The following MYO5B variants were observed in gnomAD, a reference collection of about 807,000 sequenced individuals.
MYO5B encodes unconventional myosin-Vb.
Under a neutral mutation model 229.3 loss-of-function variants are expected in MYO5B, and 143 were observed. The observed-to-expected ratio is 0.62, with a 90% CI of 0.54 to 0.72. The LOEUF (loss-of-function observed/expected upper bound fraction) is 0.72. MYO5B is among the 30% of genes least tolerant of loss of function. MYO5B has a pLI of 0.00. For synonymous variants in MYO5B, 918 were observed against 885.2 expected, an observed-to-expected ratio of 1.04 and a Z score of -0.66; for missense variants, 2,321 against 2,331.0, an observed-to-expected ratio of 1.00 and a Z score of 0.09.
intron 2 of MYO5B, among the ~76,000 whole-genome samples, chr18:50,047,856 A>G (rs1466110720): frequency 6.8e-6 from 1 of 148,148 alleles, no homozygotes; most frequent in Non-Finnish European, 1.5e-5. Context: ...ACCAAACACC[A>G]CATGTTCTCA....
At chr18:49,947,672 G>T (rs999122768) in intron 14 of MYO5B, among the ~76,000 whole-genome samples, 3 of 152,212 alleles carry the variant, frequency 2.0e-5, no homozygotes, top group Middle Eastern at 6.8e-3. Context: ...AGCCACCCGG[G>T]CATTTCTCAC....
chr18:49,860,411 A>G (rs1332375015), intron 29 of MYO5B, among the ~76,000 whole-genome samples: 6 of 152,064 alleles, frequency 3.9e-5, no homozygotes, highest in Non-Finnish European at 5.9e-5. Flanking sequence ...TCATTTTCCT[A>G]TATATAAAAT....
intron 1 of MYO5B, 138 bp from the exon 2 acceptor site, chr18:50,055,516 G>A (rs1377005192): frequency 1.4e-6 from 1 of 709,204 alleles, no homozygotes; most frequent in Non-Finnish European, 2.5e-6. Flanking sequence ...CTCATTTCAG[G>A]ACACAACGTG....
Position 49,902,720 on chromosome 18 carries a change from C to A in MYO5B, c.2685G>T (p.Arg895=). The A allele has an allele frequency of 6.2e-7, 1 of 1,610,994 alleles. No homozygotes were observed. Among genetic ancestry groups the A allele is most frequent in the Non-Finnish European group, 8.5e-7 (1 of 1,180,020 alleles). The change falls in exon 21 of 40, where the codon CGG becomes CGT. Residue 895 remains arginine (R), a synonymous_variant. Transcript: ENST00000285039. ...DAAIVIQCAF[R]MLKARRELKA... ...TCAGCTCCCGCCTGGCCTTGAGCAT[C>A]CGGAAGGCACACTGGATGACAATGG... is the stretch of plus-strand genomic sequence containing the variant.
chr18:49,888,269 C>T (rs551755580), intron 22 of MYO5B, among the ~76,000 whole-genome samples: 40 of 152,318 alleles, frequency 2.6e-4, no homozygotes, highest in African/African-American at 8.9e-4. Flanking sequence ...ACCCTCCTCT[C>T]ACCTTCAATT....
At chr18:50,177,190 C>T (rs987913810) in intron 1 of MYO5B, among the ~76,000 whole-genome samples, 1 of 151,772 alleles carries the variant, frequency 6.6e-6, no homozygotes, top group African/African-American at 2.4e-5. Context: ...GAATTTTATC[C>T]AAAAATAAGC....
At chr18:50,134,604 T>C (rs557347023) in intron 1 of MYO5B, among the ~76,000 whole-genome samples, 1 of 145,864 alleles carries the variant, frequency 6.9e-6, no homozygotes, top group African/African-American at 2.6e-5. Context: ...AAATAAATAA[T>C]AGCAGCCTCA....
chr18:49,875,495 C>CCTG lies in MYO5B; in HGVS notation c.3537+189_3537+191dup, dbSNP rs1371076154. On this transcript the variant is annotated intron_variant, in intron 26 of 39. Coordinates refer to ENST00000285039, the MANE Select transcript of MYO5B (RefSeq NM_001080467.3). ...AACCCGGGGCATGAGGGAGCTTACT[C>CCTG]CTGTTCAGCTGGGCGGTGTAGGGGC... 9.2e-5 allele frequency among the ~76,000 whole-genome samples: 14 copies of CCTG among 152,298 alleles called. No homozygotes were observed. In the East Asian group the frequency reaches 2.7e-3, roughly 29 times the overall value.
intron 22 of MYO5B, among the ~76,000 whole-genome samples, chr18:49,881,193 T>G: frequency 6.6e-6 from 1 of 152,222 alleles, no homozygotes; most frequent in East Asian, 1.9e-4. Flanking sequence ...TCAGCTTTCA[T>G]GTTTTTGTAT....
At chr18:50,085,002 G>C (rs1419251723) in intron 1 of MYO5B, among the ~76,000 whole-genome samples, 1 of 152,080 alleles carries the variant, frequency 6.6e-6, no homozygotes, top group Non-Finnish European at 1.5e-5. Context: ...ACATAGGCAC[G>C]GGCAAGGACT....
At chr18:50,090,137 C>G (rs2031416827) in intron 1 of MYO5B, among the ~76,000 whole-genome samples, 1 of 152,110 alleles carries the variant, frequency 6.6e-6, no homozygotes, top group Non-Finnish European at 1.5e-5. Context: ...CTCCTTAAAA[C>G]TACTCCACAT....
intron 1 of MYO5B, among the ~76,000 whole-genome samples, chr18:50,125,203 C>A (rs529511225): frequency 6.6e-6 from 1 of 152,098 alleles, no homozygotes; most frequent in Non-Finnish European, 1.5e-5. Flanking sequence ...TCAAACTGAA[C>A]AATGAATGTT....
At chr18:50,142,160 A>G (rs1181931827) in intron 1 of MYO5B, among the ~76,000 whole-genome samples, 1 of 152,186 alleles carries the variant, frequency 6.6e-6, no homozygotes. Context: ...TCACTGGCAC[A>G]CACAAGGTGT....
At position 50,155,207 on chromosome 18, in the gene MYO5B, G is replaced by A. The variant is rs189369911; in HGVS notation, c.27+39560C>T. On this transcript the variant is annotated intron_variant, in intron 1 of 39. Transcript: ENST00000285039. ...GGCAGCTACGTGGCACAAACAACCA[G>A]GCCTCACTTCACACAGTTATAGTGA... Among the ~76,000 whole-genome samples the A allele has an allele frequency of 1.3e-3, 195 of 152,274 alleles. 1 individual carries two copies. The highest frequency in any genetic ancestry group is 6.8e-3 in the South Asian group (33 of 4,822).
Position 50,086,015 on chromosome 18 carries a change from T to A in MYO5B, c.28-30637A>T, listed in dbSNP as rs1417867742. On this transcript the variant is annotated intron_variant, in intron 1 of 39. Coordinates refer to ENST00000285039, the MANE Select transcript of MYO5B (RefSeq NM_001080467.3). ...CACCAACGTGGCACATGTATACATATGTAACAAACCTGCACATTGTGCACA... is the reference window on the plus strand; with the variant it reads ...CACCAACGTGGCACATGTATACATAAGTAACAAACCTGCACATTGTGCACA... Among the ~76,000 whole-genome samples the A allele has an allele frequency of 2.0e-5, 3 of 152,160 alleles. No homozygotes were observed. In the East Asian group the frequency reaches 5.8e-4, roughly 29 times the overall value.
chr18:49,883,421 A>G (rs1787314), intron 22 of MYO5B, among the ~76,000 whole-genome samples: 1 of 150,326 alleles, frequency 6.7e-6, no homozygotes, highest in Non-Finnish European at 1.5e-5. Context: ...TTAGGAATAA[A>G]TTTAACAAGA....
At chr18:50,061,725 A>G (rs2030691459) in intron 1 of MYO5B, among the ~76,000 whole-genome samples, 1 of 152,144 alleles carries the variant, frequency 6.6e-6, no homozygotes, top group Non-Finnish European at 1.5e-5. Flanking sequence ...AAAACTTCCC[A>G]AGTGATGAAT....
intron 6 of MYO5B, 100 bp downstream of exon 6, chr18:49,992,188 C>T: frequency 6.7e-7 from 1 of 1,498,026 alleles, no homozygotes; most frequent in Non-Finnish European, 9.3e-7. Flanking sequence ...TCCAGGCTCA[C>T]AAGAGAGATT....
At chr18:50,062,157 T>A (rs2030701796) in intron 1 of MYO5B, among the ~76,000 whole-genome samples, 4 of 148,506 alleles carry the variant, frequency 2.7e-5, no homozygotes, top group African/African-American at 1.0e-4. Flanking sequence ...TGCTTTGTAA[T>A]TACACATGAA....
Sources: allele counts gnomAD v4.1 joint callset (sites outside exome capture counted in the v4.1 genomes callset), GRCh38; gene constraint gnomAD v4.1.1; transcripts MANE v1.5; gene names NCBI Gene and HGNC (gene_info 2026-07-23, HGNC 2026-07-21).